RAPH1: variants seen among roughly 807,000 people sequenced by gnomAD.
RAPH1 encodes ras-associated and pleckstrin homology domains-containing protein 1.
In RAPH1, 18 loss-of-function variants were observed where a neutral mutation model predicts 88.1. The observed-to-expected ratio is 0.20, with a 90% CI of 0.14 to 0.30. RAPH1 has a LOEUF of 0.30. Ranked by LOEUF, RAPH1 falls within the 10% of genes least tolerant of loss-of-function variation. The pLI, the probability that RAPH1 is intolerant of heterozygous loss-of-function variation, is 1.00. For missense variants in RAPH1, 1,448 were observed against 1,543.2 expected (o/e 0.94, Z 1.03); for synonymous variants, 587 against 559.0 (o/e 1.05, Z -0.71).
chr2:203,457,576 T>C lies in RAPH1; in HGVS notation c.1112A>G (p.Lys371Arg). The change falls in exon 8 of 14, where the codon AAA becomes AGA. Residue 371 changes from lysine (K) to arginine (R), a missense_variant. Transcript: ENST00000319170. Reference protein sequence around the residue: ...KNPQNYLLGKKETAEMADRNK... With the variant: ...KNPQNYLLGKRETAEMADRNK... ...TCTATCTGCCATCTCAGCTGTTTCT[T>C]TTTTCCCCAAAAGATAATTCTGGAA... is the stretch of plus-strand genomic sequence containing the variant. 4 of 1,604,020 alleles carry C rather than the reference T, an allele frequency of 2.5e-6. No homozygotes were observed. Among genetic ancestry groups the C allele is most frequent in the Admixed American group, 1.7e-5 (1 of 59,840 alleles).
intron 1 of RAPH1, among the ~76,000 whole-genome samples, chr2:203,496,163 A>G (rs1688503501): frequency 6.6e-6 from 1 of 152,150 alleles, no homozygotes; most frequent in Admixed American, 6.5e-5. Flanking sequence ...GTTTGAAACC[A>G]GCCTGGCCAA....
At chr2:203,513,938 G>A (rs1689481365) in intron 1 of RAPH1, among the ~76,000 whole-genome samples, 1 of 151,712 alleles carries the variant, frequency 6.6e-6, no homozygotes, top group Non-Finnish European at 1.5e-5. Flanking sequence ...TCCACCTCCC[G>A]GGTTCAAGTG....
intron 1 of RAPH1, among the ~76,000 whole-genome samples, chr2:203,527,574 G>C (rs540577883): frequency 2.6e-5 from 4 of 151,912 alleles, no homozygotes; most frequent in African/African-American, 9.7e-5. Flanking sequence ...TGAGGTGGGC[G>C]GATCACCTGA....
At position 203,441,398 on chromosome 2, in the gene RAPH1, T is replaced by C. The variant is rs748494977; in HGVS notation, c.1792A>G (p.Met598Val). The C allele has an allele frequency of 7.7e-6, 12 of 1,556,054 alleles. No individual in the cohort carries two copies. Among genetic ancestry groups the C allele is most frequent in the African/African-American group, 4.1e-5 (3 of 73,356 alleles). ...ACAAGTGAAGTGTAGGGCCGATTCA[T>C]AGACTCCATTCTGGCCTAAAAGGAG... Reference protein sequence around the residue: ...EESSKARMESMNRPYTSLVPP... With the variant: ...EESSKARMESVNRPYTSLVPP... The change falls in exon 14 of 14, where the codon ATG (methionine) becomes GTG (valine). Residue 598 changes from methionine to valine, a missense_variant. Coordinates refer to ENST00000319170, the MANE Select transcript of RAPH1 (RefSeq NM_213589.3).
chr2:203,435,997 G>A lies in RAPH1; in HGVS notation c.*3440C>T, dbSNP rs758692858. 2.0e-5 allele frequency: 3 copies of A among 152,182 alleles called. No homozygotes were observed. Among genetic ancestry groups the A allele is most frequent in the Non-Finnish European group, 4.4e-5 (3 of 68,028 alleles). The allele number at this position is 152,182 out of a possible 1,614,324, so 9.4% of individuals were successfully genotyped here. A position where few individuals can be genotyped will look rare whatever the true frequency, so the allele number is the denominator to read the frequency against. ...CCCAGAATAGCAGCAAATAAAACTT[G>A]AATTGGATGTACAGCTCCTAATAAC... On this transcript the variant is annotated 3_prime_UTR_variant, in exon 14 of 14. Coordinates refer to ENST00000319170, the MANE Select transcript of RAPH1 (RefSeq NM_213589.3).
chr2:203,506,194 G>A (rs137957314), intron 1 of RAPH1, among the ~76,000 whole-genome samples: 3 of 152,198 alleles, frequency 2.0e-5, no homozygotes, highest in African/African-American at 7.2e-5. Context: ...TTTGGATTAG[G>A]TATTGAATTA....
chr2:203,460,113 C>G, intron 6 of RAPH1, 85 bp from the exon 7 acceptor site: 1 of 1,181,564 alleles, frequency 8.5e-7, no homozygotes. Flanking sequence ...TAGTTAACCT[C>G]AGAACCACAT....
chr2:203,507,723 A>C (rs1205666719), intron 1 of RAPH1, among the ~76,000 whole-genome samples: 8 of 152,252 alleles, frequency 5.3e-5, no homozygotes, highest in Non-Finnish European at 1.2e-4. Context: ...TTAAAGAGAC[A>C]TGACAACTAA....
intron 1 of RAPH1, among the ~76,000 whole-genome samples, chr2:203,529,666 GTT>G (rs1690301285): frequency 6.6e-6 from 1 of 152,118 alleles, no homozygotes; most frequent in Non-Finnish European, 1.5e-5. Context: ...CCCGGCCAAA[GTT>G]TTAAATACCA....
At position 203,448,721 on chromosome 2, in the gene RAPH1, A is replaced by T. The variant is rs764278774; in HGVS notation, c.1512+17T>A. ...AAACACCTCATTATTCCATCATCAAATCAAAAGGAGACATGCCTTTGCAAT... is the reference window on the plus strand; with the variant it reads ...AAACACCTCATTATTCCATCATCAATTCAAAAGGAGACATGCCTTTGCAAT... On this transcript the variant is annotated intron_variant, in intron 11 of 13. Coordinates refer to ENST00000319170, the MANE Select transcript of RAPH1 (RefSeq NM_213589.3). The surrounding 1 kb of genome is among the most constrained non-coding windows in gnomAD (Gnocchi z 4.1). The T allele has an allele frequency of 1.0e-5, 16 of 1,532,730 alleles. No individual in the cohort carries two copies. In the South Asian group the frequency reaches 1.9e-4, roughly 18 times the overall value. 94.9% of individuals were successfully genotyped at this position (1,532,730 alleles called of 1,614,324 possible). A position where few individuals can be genotyped will look rare whatever the true frequency, so the allele number is the denominator to read the frequency against.
rs763279551 is a variant in RAPH1 at position 203,448,586 on chromosome 2, GACA to G, written c.1512+149_1512+151del. 10 of 499,408 alleles carry G rather than the reference GACA, an allele frequency of 2.0e-5. No individual in the cohort carries two copies. Among genetic ancestry groups the G allele is most frequent in the African/African-American group, 8.0e-5 (4 of 50,088 alleles). 30.9% of individuals were successfully genotyped at this position (499,408 alleles called of 1,614,324 possible). A position where few individuals can be genotyped will look rare whatever the true frequency, so the allele number is the denominator to read the frequency against. ...TTTATCCCTATAAACAAGGAAAAAA[GACA>G]ACATTTAAAACTTGAAACTTAGGCC... On this transcript the variant is annotated intron_variant, in intron 11 of 13. Coordinates refer to ENST00000319170, the MANE Select transcript of RAPH1 (RefSeq NM_213589.3). This position sits in a 1 kb window ranked among gnomAD's most constrained non-coding sequence, Gnocchi z 4.1.
At chr2:203,472,394 A>C (rs1461339650) in intron 4 of RAPH1, among the ~76,000 whole-genome samples, 1 of 152,166 alleles carries the variant, frequency 6.6e-6, no homozygotes, top group Non-Finnish European at 1.5e-5. Context: ...GGCCTCCCAA[A>C]GTGCTGAGAT....
At chr2:203,477,780 T>C (rs1466599754) in intron 4 of RAPH1, among the ~76,000 whole-genome samples, 1 of 152,146 alleles carries the variant, frequency 6.6e-6, no homozygotes, top group African/African-American at 2.4e-5. Context: ...GTATCTTTAG[T>C]CTCTGATACT....
chr2:203,529,153 T>C lies in RAPH1; in HGVS notation c.-1+5958A>G, dbSNP rs13012572. Among the ~76,000 whole-genome samples, 3 of 151,356 alleles carry C rather than the reference T, an allele frequency of 2.0e-5. No individual in the cohort carries two copies. In the South Asian group the frequency reaches 6.3e-4, roughly 32 times the overall value. On this transcript the variant is annotated intron_variant, in intron 1 of 13. Coordinates refer to ENST00000319170, the MANE Select transcript of RAPH1 (RefSeq NM_213589.3). ...CATCACCATGCCTGCCTAATTTTTG[T>C]ATATTTTGTAGAGACAGGGTTTTGC...
chr2:203,490,001 T>C lies in RAPH1; in HGVS notation c.315A>G (p.Ser105=), dbSNP rs1688183540. The C allele has an allele frequency of 1.2e-6, 2 of 1,614,262 alleles. No homozygotes were observed. Among genetic ancestry groups the C allele is most frequent in the South Asian group, 1.1e-5 (1 of 91,084 alleles). ...SIEQELSSIG[S]GNSKRQITET... ...CTGTGATTTGACGCTTACTGTTTCC[T>C]GAACCAATGCTGCTGAGCTCCTGCT... Residue 105 remains serine (S), a synonymous_variant, in exon 4 of 14, where the codon TCA becomes TCG. Coordinates refer to ENST00000319170, the MANE Select transcript of RAPH1 (RefSeq NM_213589.3).
rs868111636 is a variant in RAPH1 at position 203,464,382 on chromosome 2, C to T, written c.733-2457G>A. Among the ~76,000 whole-genome samples the T allele has an allele frequency of 3.9e-5, 6 of 152,240 alleles. No homozygotes were observed. The South Asian group carries it at 1.0e-3, about 26-fold the overall frequency. On this transcript the variant is annotated intron_variant, in intron 4 of 13. Transcript: ENST00000319170. ...CACCTCCCGGGTTCAAGCGATTCTCCTGCCTCAGCCTCCCAAGTAGCTGGG... is the reference window on the plus strand; with the variant it reads ...CACCTCCCGGGTTCAAGCGATTCTCTTGCCTCAGCCTCCCAAGTAGCTGGG...
At chr2:203,502,277 A>G (rs1688770840) in intron 1 of RAPH1, among the ~76,000 whole-genome samples, 1 of 152,146 alleles carries the variant, frequency 6.6e-6, no homozygotes, top group Non-Finnish European at 1.5e-5. Context: ...AGTCACGGTA[A>G]ATTCTTCTTT....
rs2098501082 is a variant in RAPH1, at chr2:203,439,299, C to G, written c.*138G>C. The G allele has an allele frequency of 1.4e-6, 1 of 720,406 alleles. No homozygotes were observed. 44.6% of individuals were successfully genotyped at this position (720,406 alleles called of 1,614,324 possible). A position where few individuals can be genotyped will look rare whatever the true frequency, so the allele number is the denominator to read the frequency against. On this transcript the variant is annotated 3_prime_UTR_variant, in exon 14 of 14. Transcript: ENST00000319170. ...AGCTGTGTGTACATGCACGTGTACA[C>G]ACACACATACACATATAGCTGGACA...
chr2:203,457,417 C>G, intron 8 of RAPH1, 113 bp downstream of exon 8: 1 of 847,584 alleles, frequency 1.2e-6, no homozygotes, highest in East Asian at 2.4e-5. Context: ...AACTCCTGAT[C>G]TTGTGATTCA....
Sources: gnomAD v4.1 joint callset for allele counts (sites outside exome capture counted in the v4.1 genomes callset) on GRCh38, gnomAD v4.1.1 for gene constraint, Gnocchi (gnomAD v3.1) non-coding constraint, MANE v1.5 for transcripts, NCBI Gene and HGNC (gene_info 2026-07-23, HGNC 2026-07-21) for gene names.